YEATS4: variants seen among roughly 807,000 people sequenced by gnomAD.
The protein encoded by YEATS4 is YEATS domain containing 4, also known as YEATS domain-containing protein 4.
YEATS4 carries 17 observed loss-of-function variants against 30.1 expected under a neutral mutation model. The observed-to-expected ratio is 0.56, with a 90% CI of 0.39 to 0.85. The LOEUF is 0.85. Among genes scored for constraint, YEATS4 ranks in the 40% least tolerant of loss-of-function variants. YEATS4 has a pLI of 0.00. For synonymous variants in YEATS4, 85 were observed against 87.5 expected (o/e 0.97, Z 0.16); for missense variants, 142 against 268.3 (o/e 0.53, Z 3.29).
At chr12:69,374,029 G>A (rs531981025) in intron 6 of YEATS4, among the ~76,000 whole-genome samples, 3 of 152,210 alleles carry the variant, frequency 2.0e-5, no homozygotes, top group Admixed American at 1.3e-4. Flanking sequence ...GGTTACTATA[G>A]CTCTGTAGTA....
chr12:69,377,452 G>A (rs1592854845), intron 6 of YEATS4, among the ~76,000 whole-genome samples: 1 of 151,384 alleles, frequency 6.6e-6, no homozygotes, highest in Non-Finnish European at 1.5e-5. Context: ...TGGAGCTGGG[G>A]ATCTCGCTGT....
At chr12:69,395,493 T>C (rs931120511), downstream of YEATS4, among the ~76,000 whole-genome samples, 5 of 152,136 alleles carry the variant, frequency 3.3e-5, no homozygotes, top group Non-Finnish European at 7.4e-5. Context: ...TTATAAGTAA[T>C]ATGTTAGTAA....
At chr12:69,383,606 G>C (rs1876163517) in intron 6 of YEATS4, among the ~76,000 whole-genome samples, 1 of 152,210 alleles carries the variant, frequency 6.6e-6, no homozygotes, top group Non-Finnish European at 1.5e-5. Context: ...TGAAAAAAGT[G>C]TATCAGGAAC....
intron 6 of YEATS4, among the ~76,000 whole-genome samples, chr12:69,387,592 G>T (rs1868266728): frequency 6.6e-6 from 1 of 152,232 alleles, no homozygotes; most frequent in South Asian, 2.1e-4. Context: ...TAGGTCCTCT[G>T]TAGTCATTAA....
intron 4 of YEATS4, among the ~76,000 whole-genome samples, chr12:69,366,097 A>G (rs1214645170): frequency 6.6e-6 from 1 of 151,876 alleles, no homozygotes; most frequent in Non-Finnish European, 1.5e-5. Context: ...TAATATGAAC[A>G]TGTATTGGAA....
the YEATS4 span, among the ~76,000 whole-genome samples, chr12:69,417,891 T>A: frequency 8.6e-5 from 13 of 150,618 alleles, no homozygotes; most frequent in Non-Finnish European, 1.5e-4. Context: ...TAAAAGCTTT[T>A]GAAGCCAAAT....
Position 69,359,900 on chromosome 12 carries a change from C to T in YEATS4, c.-73C>T. ...TGGGCCCGCGCGACAGGAGCGCGGTCTCTGAGGGGAGCGGCGACCCCGCCA... is the reference window on the plus strand; with the variant it reads ...TGGGCCCGCGCGACAGGAGCGCGGTTTCTGAGGGGAGCGGCGACCCCGCCA... On this transcript the variant is annotated 5_prime_UTR_variant, in exon 1 of 7. Coordinates refer to ENST00000247843, the MANE Select transcript of YEATS4 (RefSeq NM_006530.4). The T allele has an allele frequency of 6.3e-7, 1 of 1,593,936 alleles. No individual in the cohort carries two copies. The highest frequency in any genetic ancestry group is 8.6e-7 in the Non-Finnish European group (1 of 1,165,324).
intron 6 of YEATS4, 80 bp from the exon 7 acceptor site, chr12:69,390,067 G>A (rs1868299006): frequency 8.8e-7 from 1 of 1,141,262 alleles, no homozygotes; most frequent in African/African-American, 1.6e-5. Flanking sequence ...TTGTCGTCAG[G>A]AAATGCCATA....
the YEATS4 span, among the ~76,000 whole-genome samples, chr12:69,412,252 A>C: frequency 1.3e-5 from 2 of 152,292 alleles, no homozygotes; most frequent in East Asian, 1.9e-4. Flanking sequence ...GTTGACATGG[A>C]TGGAAGGTTC....
At chr12:69,423,326 G>C in the YEATS4 span, among the ~76,000 whole-genome samples, 1 of 152,180 alleles carries the variant, frequency 6.6e-6, no homozygotes, top group Non-Finnish European at 1.5e-5. Flanking sequence ...GGAGATAGAT[G>C]AAGAAACAAG....
chr12:69,375,923 C>T (rs1875857007), intron 6 of YEATS4, among the ~76,000 whole-genome samples: 1 of 152,126 alleles, frequency 6.6e-6, no homozygotes, highest in East Asian at 1.9e-4. Flanking sequence ...AGACTTCTTT[C>T]TTGATTTCAT....
chr12:69,360,029 T>C lies in YEATS4; in HGVS notation c.51+6T>C. 1 of 1,612,682 alleles carries C rather than the reference T, an allele frequency of 6.2e-7. No homozygotes were observed. ...ACTCCGGCGGGAGAGTAAAGGTCAGTGCCCGGACCGCCCCTCTTCCGGGGT... is the reference window on the plus strand; with the variant it reads ...ACTCCGGCGGGAGAGTAAAGGTCAGCGCCCGGACCGCCCCTCTTCCGGGGT... On this transcript the variant is annotated splice_donor_region_variant and intron_variant, in intron 1 of 6. Coordinates refer to ENST00000247843, the MANE Select transcript of YEATS4 (RefSeq NM_006530.4).
chr12:69,378,998 G>A (rs1029650861), intron 6 of YEATS4, among the ~76,000 whole-genome samples: 1 of 152,160 alleles, frequency 6.6e-6, no homozygotes, highest in Non-Finnish European at 1.5e-5. Context: ...ATTTCTCCAT[G>A]TTCGAAGGCT....
chr12:69,406,930 T>G, the YEATS4 span, among the ~76,000 whole-genome samples: 1 of 152,300 alleles, frequency 6.6e-6, no homozygotes, highest in South Asian at 2.1e-4. Context: ...TCCTCCTGCC[T>G]TAGCCTCCCA....
chr12:69,372,455 A>G (rs1020055783), intron 6 of YEATS4, among the ~76,000 whole-genome samples: 11 of 151,236 alleles, frequency 7.3e-5, no homozygotes, highest in African/African-American at 2.7e-4. Flanking sequence ...TTTTGTACCA[A>G]TAACCATCCT....
chr12:69,385,037 G>A (rs895998727), intron 6 of YEATS4, among the ~76,000 whole-genome samples: 18 of 151,962 alleles, frequency 1.2e-4, no homozygotes, highest in Non-Finnish European at 2.4e-4. Flanking sequence ...CTAGAGACAG[G>A]TTCTCGCTCT....
chr12:69,390,072 G>A lies in YEATS4; in HGVS notation c.515-75G>A, dbSNP rs182254285. On this transcript the variant is annotated intron_variant, in intron 6 of 6. Transcript: ENST00000247843. ...CATGGAAACATTGTCGTCAGGAAATGCCATATTTATTACCCTGTCATATAT... is the reference window on the plus strand; with the variant it reads ...CATGGAAACATTGTCGTCAGGAAATACCATATTTATTACCCTGTCATATAT... 8.7e-5 allele frequency: 103 copies of A among 1,178,358 alleles called. 1 individual carries two copies. In the African/African-American group the frequency reaches 1.4e-3, roughly 16 times the overall value. 73.0% of individuals were successfully genotyped at this position (1,178,358 alleles called of 1,614,324 possible).
At chr12:69,424,336 A>G in the YEATS4 span, among the ~76,000 whole-genome samples, 1 of 152,188 alleles carries the variant, frequency 6.6e-6, no homozygotes, top group Non-Finnish European at 1.5e-5. Flanking sequence ...CCTCATTTCC[A>G]TACTCAGGAG....
the YEATS4 span, among the ~76,000 whole-genome samples, chr12:69,418,028 G>A: frequency 2.6e-5 from 4 of 152,240 alleles, no homozygotes; most frequent in South Asian, 8.3e-4. Flanking sequence ...GTCAAATAAA[G>A]CTTGTGTATT....
Sources: gnomAD v4.1 joint callset for allele counts (sites outside exome capture counted in the v4.1 genomes callset) on GRCh38, gnomAD v4.1.1 for gene constraint, MANE v1.5 for transcripts, NCBI Gene and HGNC (gene_info 2026-07-23, HGNC 2026-07-21) for gene names.